The following COPS4 variants were observed in gnomAD, a reference collection of about 807,000 sequenced individuals.
COPS4 encodes COP9 signalosome complex subunit 4.
In COPS4, 8 loss-of-function variants were observed where a neutral mutation model predicts 55.1. That is an observed-to-expected ratio of 0.15 (90% CI 0.09 to 0.26). COPS4 has a LOEUF of 0.26. Among genes scored for constraint, COPS4 ranks in the 10% least tolerant of loss-of-function variants. The pLI is 1.00. For synonymous variants in COPS4, 185 were observed against 165.7 expected, an observed-to-expected ratio of 1.12 and a Z score of -0.90; for missense variants, 248 against 484.0, an observed-to-expected ratio of 0.51 and a Z score of 4.58.
chr4:83,045,806 G>A (rs1212863911), intron 2 of COPS4, 101 bp downstream of exon 2: 1 of 653,216 alleles, frequency 1.5e-6, no homozygotes, highest in Non-Finnish European at 2.6e-6. Context: ...TATTAAATAT[G>A]CATTGAGATT....
At chr4:83,062,287 C>T (rs1465190147) in intron 6 of COPS4, among the ~76,000 whole-genome samples, 1 of 152,076 alleles carries the variant, frequency 6.6e-6, no homozygotes, top group Non-Finnish European at 1.5e-5. Context: ...ATAGAAATCA[C>T]CTGTTCTTCC....
At chr4:83,075,239 A>G in intron 9 of COPS4, 58 bp from the exon 10 acceptor site, 2 of 1,535,442 alleles carry the variant, frequency 1.3e-6, no homozygotes, top group Non-Finnish European at 1.8e-6. Flanking sequence ...CTTTTAACTC[A>G]CAGTTGCTGT....
intron 4 of COPS4, 122 bp from the exon 5 acceptor site, chr4:83,056,804 A>G (rs1183631572): frequency 2.5e-6 from 2 of 788,832 alleles, no homozygotes; most frequent in African/African-American, 3.6e-5. Context: ...ATCTCAAAAA[A>G]AAAGTTTGAT....
chr4:83,056,143 G>C (rs991384488), intron 4 of COPS4, among the ~76,000 whole-genome samples: 1 of 151,938 alleles, frequency 6.6e-6, no homozygotes, highest in African/African-American at 2.4e-5. Context: ...TGTTGGTCAG[G>C]GTGGTCTTGA....
At chr4:83,042,021 C>T (rs900942651) in intron 1 of COPS4, among the ~76,000 whole-genome samples, 3 of 151,746 alleles carry the variant, frequency 2.0e-5, no homozygotes, top group African/African-American at 7.3e-5. Flanking sequence ...CGTGCCACCA[C>T]ACCTGGCTAA....
chr4:83,052,556 A>G (rs1173945623), intron 4 of COPS4, among the ~76,000 whole-genome samples: 2 of 152,136 alleles, frequency 1.3e-5, no homozygotes, highest in Non-Finnish European at 2.9e-5. Context: ...TTAGTGATAT[A>G]GTGGTGGAAT....
intron 7 of COPS4, among the ~76,000 whole-genome samples, chr4:83,065,796 GC>G (rs1296206231): frequency 1.3e-5 from 2 of 152,180 alleles, no homozygotes; most frequent in Admixed American, 1.3e-4. Context: ...ACTTTATCAA[GC>G]TTGCAGAACA....
chr4:83,053,417 A>G (rs934702516), intron 4 of COPS4, among the ~76,000 whole-genome samples: 5 of 152,178 alleles, frequency 3.3e-5, no homozygotes. Flanking sequence ...TAGGCTAGGT[A>G]AAGAGGGAAG....
chr4:83,063,053 T>C, intron 6 of COPS4, 23 bp from the exon 7 acceptor site: 1 of 1,512,130 alleles, frequency 6.6e-7, no homozygotes, highest in Non-Finnish European at 8.8e-7. Context: ...TTGTGAAATT[T>C]GATGCTCATT....
chr4:83,060,946 A>G (rs1343618923), intron 6 of COPS4, among the ~76,000 whole-genome samples: 2 of 151,750 alleles, frequency 1.3e-5, no homozygotes, highest in East Asian at 2.0e-4. Context: ...AGGCAGGAGA[A>G]TCATTTGAAC....
intron 1 of COPS4, 164 bp from the exon 2 acceptor site, chr4:83,045,462 G>A: frequency 2.1e-6 from 1 of 469,510 alleles, no homozygotes. Context: ...TCTTGTGATA[G>A]ACTAGAAACT....
At chr4:83,061,078 T>G (rs1731155134) in intron 6 of COPS4, among the ~76,000 whole-genome samples, 1 of 152,076 alleles carries the variant, frequency 6.6e-6, no homozygotes, top group African/African-American at 2.4e-5. Context: ...GCTTGGGTCA[T>G]TCATTACATT....
At chr4:83,066,214 T>G (rs898910534) in intron 7 of COPS4, among the ~76,000 whole-genome samples, 2 of 152,226 alleles carry the variant, frequency 1.3e-5, no homozygotes, top group African/African-American at 4.8e-5. Context: ...GGGTTAGATC[T>G]ATATGCTTAA....
At chr4:83,067,475 C>CA (rs1172498776) in intron 8 of COPS4, among the ~76,000 whole-genome samples, 1 of 151,180 alleles carries the variant, frequency 6.6e-6, no homozygotes, top group Non-Finnish European at 1.5e-5. Flanking sequence ...CCACCTGCCT[C>CA]AGACTCCCAA....
At chr4:83,049,571 A>G (rs988799685) in intron 3 of COPS4, 8 of 480,084 alleles carry the variant, frequency 1.7e-5, no homozygotes, top group Non-Finnish European at 2.9e-5. Flanking sequence ...AATCAGTAAA[A>G]TTGGTATTTC....
At chr4:83,036,260 C>T (rs1272074101) in intron 1 of COPS4, among the ~76,000 whole-genome samples, 1 of 5,390 alleles carries the variant, frequency 1.9e-4, no homozygotes, top group Non-Finnish European at 4.3e-4. Context: ...ATAGTGAGAC[C>T]CCCCCCCCCG....
At position 83,056,918 on chromosome 4, in the gene COPS4, C is replaced by A. The variant is rs375801329; in HGVS notation, c.411-8C>A. 1 of 1,570,570 alleles carries A rather than the reference C, an allele frequency of 6.4e-7. No homozygotes were observed. Among genetic ancestry groups the A allele is most frequent in the Non-Finnish European group, 8.6e-7 (1 of 1,159,666 alleles). On this transcript the variant is annotated splice_region_variant and splice_polypyrimidine_tract_variant and intron_variant, in intron 4 of 9. Transcript: ENST00000264389. ...TGAGTCATTATGTGTTTTTCTGTTACATCCTAGACAGTACAATGTAGATTA... is the reference window on the plus strand; with the variant it reads ...TGAGTCATTATGTGTTTTTCTGTTAAATCCTAGACAGTACAATGTAGATTA...
At chr4:83,037,994 TTA>T (rs1730469702) in intron 1 of COPS4, among the ~76,000 whole-genome samples, 1 of 152,220 alleles carries the variant, frequency 6.6e-6, no homozygotes, top group Non-Finnish European at 1.5e-5. Flanking sequence ...TGTCTAAAGT[TTA>T]TATAAGAAAT....
At chr4:83,043,518 CAAAA>C (rs34480105) in intron 1 of COPS4, among the ~76,000 whole-genome samples, 5 of 17,680 alleles carry the variant, frequency 2.8e-4, no homozygotes, top group African/African-American at 4.8e-4. Context: ...GACCCTGTCT[CAAAA>C]AAAAAAAAAA....
Sources: allele counts gnomAD v4.1 joint callset (sites outside exome capture counted in the v4.1 genomes callset), GRCh38; gene constraint gnomAD v4.1.1; transcripts MANE v1.5; gene names NCBI Gene and HGNC (gene_info 2026-07-23, HGNC 2026-07-21).